The following PI4K2B variants were observed in gnomAD, a reference collection of about 807,000 sequenced individuals.
PI4K2B encodes the protein phosphatidylinositol 4-kinase type 2-beta.
Under a neutral mutation model 56.6 loss-of-function variants are expected in PI4K2B, and 46 were observed. The observed-to-expected ratio is 0.81, with a 90% confidence interval of 0.64 to 1.04. The LOEUF (loss-of-function observed/expected upper bound fraction) is 1.04, where lower values mean the gene tolerates loss of function less well. Among genes scored for constraint, PI4K2B ranks in the 50% least tolerant of loss-of-function variants. The pLI, the probability that PI4K2B is intolerant of heterozygous loss-of-function variation, is 0.00. For missense variants in PI4K2B, 556 were observed against 607.7 expected (o/e 0.91, Z 0.89); for synonymous variants, 211 against 223.8 (o/e 0.94, Z 0.51).
chr4:25,248,418 T>C (rs1335522245), intron 1 of PI4K2B, among the ~76,000 whole-genome samples: 2 of 152,114 alleles, frequency 1.3e-5, no homozygotes, highest in Admixed American at 6.5e-5. Flanking sequence ...GTCTTGGAGT[T>C]TCCTGGTTTC....
Position 25,260,645 on chromosome 4 carries a change from C to T in PI4K2B, c.978+54C>T, listed in dbSNP as rs200091791. The T allele has an allele frequency of 1.6e-3, 297 of 188,856 alleles. 1 individual carries two copies. The East Asian group carries it at 0.018, about 11-fold the overall frequency. The allele number at this position is 188,856 out of a possible 1,614,324, so 11.7% of individuals were successfully genotyped here. A position where few individuals can be genotyped will look rare whatever the true frequency, so the allele number is the denominator to read the frequency against. Reference sequence around the variant, plus strand: ...ATATATATATATATATATATATACACACACACACACACACACACATACACA... The same window carrying T: ...ATATATATATATATATATATATACATACACACACACACACACACATACACA... On this transcript the variant is annotated intron_variant, in intron 6 of 9. Coordinates refer to ENST00000264864, the MANE Select transcript of PI4K2B (RefSeq NM_018323.4).
chr4:25,276,742 G>C, intron 9 of PI4K2B: 1 of 985,196 alleles, frequency 1.0e-6, no homozygotes, highest in Non-Finnish European at 1.2e-6. Context: ...CTGGACATAG[G>C]CAGGATATTC....
At chr4:25,247,594 G>T (rs549628044) in intron 1 of PI4K2B, among the ~76,000 whole-genome samples, 2 of 152,346 alleles carry the variant, frequency 1.3e-5, no homozygotes, top group South Asian at 2.1e-4. Flanking sequence ...TGCCCTAGAT[G>T]TAGGGGCCAG....
At chr4:25,261,626 C>T (rs1716481050) in intron 6 of PI4K2B, among the ~76,000 whole-genome samples, 1 of 152,066 alleles carries the variant, frequency 6.6e-6, no homozygotes, top group Admixed American at 6.6e-5. Flanking sequence ...TTTAAAAATA[C>T]ATATTCGTAG....
chr4:25,249,564 G>C (rs1332555088), intron 1 of PI4K2B, among the ~76,000 whole-genome samples: 1 of 145,232 alleles, frequency 6.9e-6, no homozygotes, highest in East Asian at 2.4e-4. Flanking sequence ...GGGCGGAGGG[G>C]CTCCTCACTT....
chr4:25,249,647 C>G (rs1344963194), intron 1 of PI4K2B, among the ~76,000 whole-genome samples: 1 of 151,474 alleles, frequency 6.6e-6, no homozygotes, highest in Non-Finnish European at 1.5e-5. Flanking sequence ...AGACACTCCT[C>G]ACCTCCCAGA....
intron 9 of PI4K2B, among the ~76,000 whole-genome samples, chr4:25,273,265 A>G (rs967108964): frequency 1.3e-5 from 2 of 152,322 alleles, no homozygotes; most frequent in African/African-American, 4.8e-5. Context: ...AATTTGGAAC[A>G]CTGAAACTGA....
chr4:25,274,799 A>G (rs1030739303), intron 9 of PI4K2B, among the ~76,000 whole-genome samples: 8 of 151,918 alleles, frequency 5.3e-5, no homozygotes, highest in African/African-American at 1.9e-4. Context: ...CCGTTTTCCT[A>G]TACTTTTTTT....
intron 9 of PI4K2B, chr4:25,276,212 T>G (rs754597723): frequency 1.3e-5 from 2 of 156,034 alleles, no homozygotes; most frequent in Non-Finnish European, 2.8e-5. Context: ...ATAATTTTAT[T>G]TGACCTGAAC....
At chr4:25,252,570 A>C in intron 2 of PI4K2B, 95 bp downstream of exon 2, 2 of 889,326 alleles carry the variant, frequency 2.2e-6, no homozygotes, top group South Asian at 3.2e-5. Flanking sequence ...ATATTTTCCT[A>C]TTAAGTCTGA....
chr4:25,264,311 T>A (rs1716586778), intron 7 of PI4K2B, among the ~76,000 whole-genome samples: 1 of 152,210 alleles, frequency 6.6e-6, no homozygotes, highest in Admixed American at 6.5e-5. Context: ...TTTAGGCACT[T>A]TTATTTTGCT....
At chr4:25,236,820 T>C (rs942289660) in intron 1 of PI4K2B, among the ~76,000 whole-genome samples, 2 of 152,244 alleles carry the variant, frequency 1.3e-5, no homozygotes, top group African/African-American at 4.8e-5. Context: ...TTGGAGGTTT[T>C]TACCTTTAAT....
At chr4:25,266,630 G>T (rs76613926) in intron 7 of PI4K2B, among the ~76,000 whole-genome samples, 2,317 of 152,266 alleles carry the variant, frequency 0.015, 50 homozygotes, top group African/African-American at 0.049. Context: ...AATTGCATTT[G>T]TAAAGGGTTT....
At chr4:25,275,294 A>G (rs1471785318) in intron 9 of PI4K2B, among the ~76,000 whole-genome samples, 1 of 152,226 alleles carries the variant, frequency 6.6e-6, no homozygotes, top group Non-Finnish European at 1.5e-5. Flanking sequence ...TATTCATGGT[A>G]GGAACAATGC....
intron 1 of PI4K2B, among the ~76,000 whole-genome samples, chr4:25,235,569 C>G (rs564111309): frequency 1.2e-4 from 18 of 152,350 alleles, no homozygotes; most frequent in Admixed American, 1.1e-3. Context: ...TAACCAACGT[C>G]TGCTCCCGTT....
At chr4:25,254,445 G>A (rs958173342) in intron 2 of PI4K2B, 16 of 397,666 alleles carry the variant, frequency 4.0e-5, no homozygotes, top group African/African-American at 1.6e-4. Flanking sequence ...ACAGAGTCTC[G>A]CTCTGTCACC....
intron 1 of PI4K2B, among the ~76,000 whole-genome samples, chr4:25,236,037 G>C (rs1195874207): frequency 6.6e-6 from 1 of 151,906 alleles, no homozygotes; most frequent in Non-Finnish European, 1.5e-5. Context: ...TGAGGATAGA[G>C]TATAGTGTTA....
chr4:25,245,405 G>A (rs1460659236), intron 1 of PI4K2B, among the ~76,000 whole-genome samples: 2 of 152,120 alleles, frequency 1.3e-5, no homozygotes, highest in African/African-American at 4.8e-5. Flanking sequence ...TCTCGCTTGG[G>A]TGACATGCCT....
At chr4:25,261,821 A>T (rs1195599619) in intron 6 of PI4K2B, among the ~76,000 whole-genome samples, 1 of 152,220 alleles carries the variant, frequency 6.6e-6, no homozygotes, top group Non-Finnish European at 1.5e-5. Flanking sequence ...ACACAAGGAA[A>T]CTTTGGCGTG....
Sources: gnomAD v4.1 joint callset for allele counts (sites outside exome capture counted in the v4.1 genomes callset) on GRCh38, gnomAD v4.1.1 for gene constraint, MANE v1.5 for transcripts, NCBI Gene and HGNC (gene_info 2026-07-23, HGNC 2026-07-21) for gene names.